Variants in NAALADL2 observed in about 807,000 individuals in gnomAD.
NAALADL2 encodes inactive N-acetylated-alpha-linked acidic dipeptidase-like protein 2.
NAALADL2 carries 76 observed loss-of-function variants against 87.2 expected under a neutral mutation model. The ratio of observed to expected loss-of-function variants is 0.87; its 90% CI spans 0.72 to 1.05. The LOEUF is 1.05. Ranked by LOEUF, NAALADL2 falls within the 50% of genes least tolerant of loss-of-function variation. NAALADL2 has a pLI of 0.00. For synonymous variants in NAALADL2, 354 were observed against 331.0 expected, an observed-to-expected ratio of 1.07 and a Z score of -0.75; for missense variants, 1,089 against 945.8, an observed-to-expected ratio of 1.15 and a Z score of -1.99.
intron 1 of NAALADL2, among the ~76,000 whole-genome samples, chr3:174,443,737 G>C (rs1714839969): frequency 6.6e-6 from 1 of 152,060 alleles, no homozygotes; most frequent in Non-Finnish European, 1.5e-5. Context: ...TATGAGATGA[G>C]GAGAAACCAA....
At chr3:175,032,367 T>TA (rs1410106759) in intron 1 of NAALADL2, among the ~76,000 whole-genome samples, 2 of 152,066 alleles carry the variant, frequency 1.3e-5, no homozygotes, top group Non-Finnish European at 2.9e-5. Context: ...ATCCATGCGG[T>TA]AAGCTCTATT....
intron 5 of NAALADL2, among the ~76,000 whole-genome samples, chr3:175,336,409 C>G (rs962264759): frequency 6.6e-6 from 1 of 152,192 alleles, no homozygotes; most frequent in Non-Finnish European, 1.5e-5. Flanking sequence ...TGTGGGATTG[C>G]TGGCATGAAA....
intron 10 of NAALADL2, among the ~76,000 whole-genome samples, chr3:175,583,490 CAA>C (rs10681728): frequency 7.9e-5 from 11 of 138,684 alleles, no homozygotes; most frequent in African/African-American, 1.3e-4. Flanking sequence ...GGATGAGCTG[CAA>C]AAAAAAAAAA....
At chr3:174,613,056 G>T (rs1258009944) in intron 2 of NAALADL2, among the ~76,000 whole-genome samples, 1 of 152,184 alleles carries the variant, frequency 6.6e-6, no homozygotes, top group Non-Finnish European at 1.5e-5. Flanking sequence ...GATATACCTT[G>T]ATGGTCTTGG....
chr3:174,842,235 G>C (rs547358735), intron 3 of NAALADL2, among the ~76,000 whole-genome samples: 1 of 152,082 alleles, frequency 6.6e-6, no homozygotes, highest in Non-Finnish European at 1.5e-5. Flanking sequence ...ATGTTTAGTA[G>C]AGACAGGGTT....
chr3:174,643,636 A>G (rs1723484483), intron 2 of NAALADL2, among the ~76,000 whole-genome samples: 1 of 152,182 alleles, frequency 6.6e-6, no homozygotes, highest in Non-Finnish European at 1.5e-5. Context: ...CCTGGGCAGT[A>G]GAGCTAGACT....
chr3:175,781,283 T>G (rs1053699657), intron 13 of NAALADL2, among the ~76,000 whole-genome samples: 1 of 152,156 alleles, frequency 6.6e-6, no homozygotes, highest in Admixed American at 6.6e-5. Flanking sequence ...TGTTATAAAA[T>G]CATGTGCTGA....
At chr3:175,345,674 T>C (rs2066026204) in intron 5 of NAALADL2, among the ~76,000 whole-genome samples, 2 of 152,110 alleles carry the variant, frequency 1.3e-5, no homozygotes, top group South Asian at 4.1e-4. Context: ...AATGGTAGCA[T>C]GGTCTATTTG....
In NAALADL2 at chr3:174,775,569, T is replaced by C. The variant is rs564252466; in HGVS notation, c.-9+37823T>C. ...CCAGGAAAAATTGTAGAAATGCAGT[T>C]AAGCATGCAAATGTTTTATTAGTAA... On this transcript the variant is annotated intron_variant, in intron 3 of 3. Transcript: ENST00000434257. Among the ~76,000 whole-genome samples, 8 of 150,756 alleles carry C rather than the reference T, an allele frequency of 5.3e-5. No homozygotes were observed. The South Asian group carries it at 1.7e-3, about 32-fold the overall frequency.
intron 1 of NAALADL2, among the ~76,000 whole-genome samples, chr3:174,969,696 T>C (rs1192847582): frequency 6.6e-6 from 1 of 152,164 alleles, no homozygotes; most frequent in Non-Finnish European, 1.5e-5. Flanking sequence ...TCATTAAAAG[T>C]CTGTGATGGA....
At chr3:175,691,231 T>A (rs567570129) in intron 11 of NAALADL2, among the ~76,000 whole-genome samples, 64 of 150,902 alleles carry the variant, frequency 4.2e-4, no homozygotes, top group Non-Finnish European at 6.8e-4. Context: ...TATATTTATC[T>A]CTGTGTGTAT....
chr3:174,670,266 GTAT>G (rs1726410354), intron 2 of NAALADL2, among the ~76,000 whole-genome samples: 1 of 151,588 alleles, frequency 6.6e-6, no homozygotes, highest in South Asian at 2.1e-4. Context: ...AGGACTTATG[GTAT>G]TATTCTGAAT....
At chr3:175,777,004 A>G (rs954176737) in intron 13 of NAALADL2, among the ~76,000 whole-genome samples, 6 of 151,856 alleles carry the variant, frequency 4.0e-5, no homozygotes, top group Non-Finnish European at 8.8e-5. Context: ...ATTCTCAGGC[A>G]ACTATCTCAT....
In NAALADL2 at chr3:174,808,973, A is replaced by G. The variant is rs145921994; in HGVS notation, c.-9+71227A>G. Among the ~76,000 whole-genome samples, 1,366 of 152,308 alleles carry G rather than the reference A, an allele frequency of 9.0e-3. 7 individuals are homozygous for G. The highest frequency in any genetic ancestry group is 0.024 in the Middle Eastern group (7 of 294). ...TTTTTTAAAAATCACATTTAAAAGT[A>G]TAATTTATAGAACCACAGAATTCTG... On this transcript the variant is annotated intron_variant, in intron 3 of 3. Coordinates refer to the NAALADL2 transcript ENST00000434257.
chr3:175,582,556 C>CCA (rs1421834496), intron 10 of NAALADL2, among the ~76,000 whole-genome samples: 1 of 151,928 alleles, frequency 6.6e-6, no homozygotes, highest in Non-Finnish European at 1.5e-5. Context: ...AATGATAAAC[C>CCA]ATGTTATAAA....
rs759640436 is a variant in NAALADL2 at position 175,256,491 on chromosome 3, C to A, written c.900C>A (p.Ile300=). The A allele has an allele frequency of 1.2e-6, 2 of 1,612,668 alleles. No homozygotes were observed. The highest frequency in any genetic ancestry group is 1.7e-6 in the Non-Finnish European group (2 of 1,179,260). The change falls in exon 4 of 14, where the codon ATC becomes ATA. Residue 300 remains isoleucine, a synonymous_variant. Transcript: ENST00000454872. ...AAATAAAAAACGTAACAAATCAGAT[C>A]GCACTCCTGAAATTAGGAAAATTGC... ...IRKIKNVTNQ[I]ALLKLGKLPL...
At chr3:175,458,502 A>C (rs60930030) in intron 6 of NAALADL2, among the ~76,000 whole-genome samples, 12,047 of 147,132 alleles carry the variant, frequency 0.082, 565 homozygotes, top group Middle Eastern at 0.15. Context: ...TATATAAATT[A>C]ATATAAATTC....
chr3:175,697,919 A>G (rs199691430), intron 11 of NAALADL2, among the ~76,000 whole-genome samples: 15 of 38,778 alleles, frequency 3.9e-4, no homozygotes, highest in African/African-American at 1.6e-3. Flanking sequence ...ATGTGTATAT[A>G]TGTATGTATA....
At chr3:175,008,385 A>C (rs2108793158) in intron 1 of NAALADL2, among the ~76,000 whole-genome samples, 1 of 152,260 alleles carries the variant, frequency 6.6e-6, no homozygotes, top group South Asian at 2.1e-4. Context: ...CGTTTCTAAA[A>C]AACAAAATAA....
Sources: gnomAD v4.1 joint callset for allele counts (sites outside exome capture counted in the v4.1 genomes callset) on GRCh38, gnomAD v4.1.1 for gene constraint, MANE v1.5 for transcripts, NCBI Gene and HGNC (gene_info 2026-07-23, HGNC 2026-07-21) for gene names.